Variants in RUFY1 observed in about 807,000 individuals in gnomAD.
The protein encoded by RUFY1 is RUN and FYVE domain-containing protein 1.
RUFY1 carries 54 observed loss-of-function variants against 94.6 expected under a neutral mutation model. That is an observed-to-expected ratio of 0.57 (90% CI 0.46 to 0.72). The LOEUF is 0.72. Ranked by LOEUF, RUFY1 falls within the 30% of genes least tolerant of loss-of-function variation. RUFY1 has a pLI of 0.00. For synonymous variants in RUFY1, 396 were observed against 347.3 expected (o/e 1.14, Z -1.56); for missense variants, 883 against 883.9 (o/e 1.00, Z 0.01).
intron 14 of RUFY1, among the ~76,000 whole-genome samples, chr5:179,601,411 C>A (rs1231459932): frequency 6.6e-6 from 1 of 152,096 alleles, no homozygotes. Context: ...TCAGGTGATC[C>A]ACCTGTCTTG....
rs557708225 is a variant in RUFY1 at position 179,594,045 on chromosome 5, T to C, written c.1413+400T>C. On this transcript the variant is annotated intron_variant, in intron 11 of 17. Transcript: ENST00000319449. ...TAGAGCCAGGCACGGTGGCTCACGC[T>C]TGTAATCCCAGCACTTTGGGAGGCC... 3.3e-5 allele frequency among the ~76,000 whole-genome samples: 5 copies of C among 151,738 alleles called. No homozygotes were observed. The East Asian group carries it at 5.9e-4, about 18-fold the overall frequency.
At chr5:179,604,401 G>A (rs1389870510) in intron 15 of RUFY1, among the ~76,000 whole-genome samples, 1 of 152,180 alleles carries the variant, frequency 6.6e-6, no homozygotes, top group African/African-American at 2.4e-5. Context: ...GTTCTTGTAT[G>A]TTCAGTTTGC....
At chr5:179,574,858 A>G (rs570843363) in intron 5 of RUFY1, among the ~76,000 whole-genome samples, 13 of 152,200 alleles carry the variant, frequency 8.5e-5, no homozygotes, top group African/African-American at 3.1e-4. Context: ...TTTCTAATCC[A>G]TTGATTTTTG....
At chr5:179,554,536 C>CA (rs1267647483) in intron 1 of RUFY1, among the ~76,000 whole-genome samples, 51 of 137,490 alleles carry the variant, frequency 3.7e-4, no homozygotes, top group South Asian at 4.6e-4. Context: ...AACTTTGTCT[C>CA]AAAAAAAAAA....
chr5:179,604,983 C>G (rs77836578), intron 15 of RUFY1, among the ~76,000 whole-genome samples: 1 of 123,356 alleles, frequency 8.1e-6, no homozygotes, highest in African/African-American at 3.1e-5. Flanking sequence ...GACTCCATCT[C>G]AAAAAAAAAA....
chr5:179,567,161 T>C (rs1164851184), intron 3 of RUFY1, among the ~76,000 whole-genome samples: 1 of 152,250 alleles, frequency 6.6e-6, no homozygotes, highest in Non-Finnish European at 1.5e-5. Context: ...TCTATTCGTC[T>C]TTTGAAGGAA....
Position 179,601,926 on chromosome 5 carries a change from T to A in RUFY1, c.1796T>A (p.Leu599Gln). 1 of 1,613,550 alleles carries A rather than the reference T, an allele frequency of 6.2e-7. No individual in the cohort carries two copies. The highest frequency in any genetic ancestry group is 8.5e-7 in the Non-Finnish European group (1 of 1,179,892). Residue 599 changes from leucine to glutamine, a missense_variant, in exon 15 of 18, where the codon CTG becomes CAG. Leu to Gln is a moderately radical substitution (Grantham distance 113). Transcript: ENST00000319449. ...GAGCTTCAGGACGAGAAGGCAGAGCTGCAGAAGATCTGCGAGGAGCAGGAA... is the reference window on the plus strand; with the variant it reads ...GAGCTTCAGGACGAGAAGGCAGAGCAGCAGAAGATCTGCGAGGAGCAGGAA... ...LRELQDEKAE[L>Q]QKICEEQEQA... is the part of the protein sequence containing the mutation.
chr5:179,569,039 G>C, intron 4 of RUFY1: 1 of 985,352 alleles, frequency 1.0e-6, no homozygotes, highest in Non-Finnish European at 1.2e-6. Flanking sequence ...AGGAGACGAG[G>C]AGAACTGGGG....
At chr5:179,596,298 T>G (rs1397722605) in intron 12 of RUFY1, 2 of 540,830 alleles carry the variant, frequency 3.7e-6, no homozygotes, top group East Asian at 6.7e-5. Flanking sequence ...TAATGTATAA[T>G]TACATTGAGA....
chr5:179,609,262 G>T, intron 17 of RUFY1, 114 bp from the exon 18 acceptor site: 1 of 996,480 alleles, frequency 1.0e-6, no homozygotes, highest in Non-Finnish European at 1.4e-6. Context: ...CCACCCCACA[G>T]AAACATAAGA....
chr5:179,572,205 C>T, intron 5 of RUFY1: 1 of 305,796 alleles, frequency 3.3e-6, no homozygotes, highest in Non-Finnish European at 6.7e-6. Context: ...GACTTCAAGG[C>T]CATTGCCCTG....
chr5:179,559,980 C>A lies in RUFY1; in HGVS notation c.311-45C>A, dbSNP rs746568258. ...ACCGTTGCCCGGAGTCTGACCTCCCCACGCTCAGTCCACTAACGAAGCTAT... is the reference window on the plus strand; with the variant it reads ...ACCGTTGCCCGGAGTCTGACCTCCCAACGCTCAGTCCACTAACGAAGCTAT... On this transcript the variant is annotated intron_variant, in intron 1 of 17. Coordinates refer to ENST00000319449, the MANE Select transcript of RUFY1 (RefSeq NM_025158.5). The A allele has an allele frequency of 2.5e-6, 4 of 1,585,154 alleles. No individual in the cohort carries two copies. The South Asian group carries it at 3.4e-5, about 14-fold the overall frequency.
Position 179,567,480 on chromosome 5 carries a change from CGA to C in RUFY1, c.624_625del (p.Ala209ValfsTer22). 1 of 1,613,762 alleles carries C rather than the reference CGA, an allele frequency of 6.2e-7. No homozygotes were observed. The highest frequency in any genetic ancestry group is 8.5e-7 in the Non-Finnish European group (1 of 1,179,710). On this transcript the variant is annotated frameshift_variant, in exon 4 of 18. Coordinates refer to ENST00000319449, the MANE Select transcript of RUFY1 (RefSeq NM_025158.5). LOFTEE classifies it high-confidence loss of function. ...TTCTAGGACAGCTGTGGGAAGAGGC[CGA>C]GCGTGGCTTTATCTTGCACTCATGC... is the stretch of plus-strand genomic sequence containing the variant. The part of the protein sequence containing the change: ...PELKTAVGRG[R>X]AWLYLALMQK...
intron 1 of RUFY1, chr5:179,559,706 G>A (rs1377735159): frequency 1.6e-5 from 17 of 1,062,422 alleles, no homozygotes; most frequent in Non-Finnish European, 1.8e-5. Flanking sequence ...ATGGAACCGG[G>A]GTTGCGGGAG....
At chr5:179,580,174 T>C (rs1228313997) in intron 6 of RUFY1, among the ~76,000 whole-genome samples, 1 of 151,926 alleles carries the variant, frequency 6.6e-6, no homozygotes, top group African/African-American at 2.4e-5. Flanking sequence ...GGAGTACATA[T>C]ATCCCGTTTT....
At chr5:179,561,075 G>C (rs1434138205) in intron 2 of RUFY1, among the ~76,000 whole-genome samples, 1 of 152,068 alleles carries the variant, frequency 6.6e-6, no homozygotes, top group Non-Finnish European at 1.5e-5. Context: ...GCCGGGCGTG[G>C]TGGCGCATGC....
chr5:179,563,618 C>T lies in RUFY1; in HGVS notation c.602+954C>T, dbSNP rs1352479492. ...TCTATGCAAATTCTGCCTGCCCGGC[C>T]TACATCGCTTATATTTAAAGCCTTT... On this transcript the variant is annotated intron_variant, in intron 3 of 17. Coordinates refer to ENST00000319449, the MANE Select transcript of RUFY1 (RefSeq NM_025158.5). Among the ~76,000 whole-genome samples the T allele has an allele frequency of 2.0e-5, 3 of 152,190 alleles. No homozygotes were observed. The East Asian group carries it at 5.8e-4, about 29-fold the overall frequency.
chr5:179,600,374 T>C (rs775824274), intron 14 of RUFY1, among the ~76,000 whole-genome samples: 6 of 152,150 alleles, frequency 3.9e-5, no homozygotes, highest in Non-Finnish European at 7.4e-5. Flanking sequence ...GTCAGTGCCG[T>C]TGCCCCCTGG....
intron 6 of RUFY1, among the ~76,000 whole-genome samples, chr5:179,580,205 C>T (rs1764004491): frequency 9.4e-6 from 1 of 106,396 alleles, no homozygotes; most frequent in Non-Finnish European, 1.9e-5. Context: ...TCAAAAAATT[C>T]CGTGTGTGTG....
Sources: gnomAD v4.1 joint callset for allele counts (sites outside exome capture counted in the v4.1 genomes callset) on GRCh38, gnomAD v4.1.1 for gene constraint, MANE v1.5 for transcripts, NCBI Gene and HGNC (gene_info 2026-07-23, HGNC 2026-07-21) for gene names.